The following FKBP5 variants were observed in gnomAD, a reference collection of about 807,000 sequenced individuals.
FKBP5 encodes peptidyl-prolyl cis-trans isomerase FKBP5.
FKBP5 carries 23 observed loss-of-function variants against 50.5 expected under a neutral mutation model. That is an observed-to-expected ratio of 0.46 (90% CI 0.33 to 0.65). FKBP5 has a LOEUF of 0.65. FKBP5 is among the 30% of genes least tolerant of loss of function. FKBP5 has a pLI of 0.02. For synonymous variants in FKBP5, 176 were observed against 190.6 expected (o/e 0.92, Z 0.63); for missense variants, 411 against 553.1 (o/e 0.74, Z 2.58).
Position 35,661,291 on chromosome 6 carries a change from A to G in FKBP5, c.-19-18448T>C, listed in dbSNP as rs113068266. 1.3e-4 allele frequency among the ~76,000 whole-genome samples: 11 copies of G among 82,598 alleles called. 3 individuals carry two copies. The highest frequency in any genetic ancestry group is 3.7e-4 in the African/African-American group (10 of 26,718). 54.2% of individuals were successfully genotyped at this position (82,598 alleles called of 152,430 possible). A position where few individuals can be genotyped will look rare whatever the true frequency, so the allele number is the denominator to read the frequency against. On this transcript the variant is annotated intron_variant, in intron 1 of 10. Transcript: ENST00000357266. ...GGCATGAGCCACCACACCCGGCCTGAATTGTACACTTTAAAGGGGAGAATA... is the reference window on the plus strand; with the variant it reads ...GGCATGAGCCACCACACCCGGCCTGGATTGTACACTTTAAAGGGGAGAATA...
At chr6:35,711,630 A>G (rs572096855) in intron 2 of FKBP5, among the ~76,000 whole-genome samples, 1 of 148,428 alleles carries the variant, frequency 6.7e-6, no homozygotes, top group Non-Finnish European at 1.5e-5. Context: ...AAAAAAGGAG[A>G]GGAGAGGAGA....
intron 3 of FKBP5, among the ~76,000 whole-genome samples, chr6:35,632,112 C>T (rs1238494191): frequency 6.6e-6 from 1 of 152,038 alleles, no homozygotes; most frequent in Non-Finnish European, 1.5e-5. Flanking sequence ...GTTCTTAATT[C>T]AGCTTCTTTT....
At chr6:35,610,409 A>G (rs1292284322) in intron 5 of FKBP5, among the ~76,000 whole-genome samples, 1 of 151,772 alleles carries the variant, frequency 6.6e-6, no homozygotes, top group Non-Finnish European at 1.5e-5. Flanking sequence ...TACTAAAAAT[A>G]CAAAAAAAAT....
intron 3 of FKBP5, among the ~76,000 whole-genome samples, chr6:35,624,645 AC>A (rs1763942227): frequency 6.6e-6 from 1 of 152,134 alleles, no homozygotes. Flanking sequence ...TAGTTGGCCC[AC>A]GTCCTAATAA....
At chr6:35,680,733 A>C (rs899226360) in intron 1 of FKBP5, among the ~76,000 whole-genome samples, 12 of 152,216 alleles carry the variant, frequency 7.9e-5, no homozygotes, top group African/African-American at 1.7e-4. Flanking sequence ...CAAAAACAAC[A>C]ACCAGATTTG....
At chr6:35,726,384 T>G (rs1323247535) in intron 1 of FKBP5, among the ~76,000 whole-genome samples, 1 of 152,174 alleles carries the variant, frequency 6.6e-6, no homozygotes, top group Non-Finnish European at 1.5e-5. Flanking sequence ...AAGGCAGGCC[T>G]GGCTTGGGCA....
rs189144592 is a variant in FKBP5, at chr6:35,613,001, A to G, written c.508+6095T>C. On this transcript the variant is annotated intron_variant, in intron 5 of 10. Coordinates refer to ENST00000357266, the MANE Select transcript of FKBP5 (RefSeq NM_004117.4). ...GTTAAGTAACTTGTCTAAAGTCATA[A>G]AAGTATCAGGTAGCAATTCCAAGAT... is the stretch of plus-strand genomic sequence containing the variant. 1.3e-3 allele frequency among the ~76,000 whole-genome samples: 192 copies of G among 152,360 alleles called. 1 individual carries two copies. The highest frequency in any genetic ancestry group is 6.8e-3 in the Middle Eastern group (2 of 294).
chr6:35,637,457 CTTTTTTTTTT>C (rs71002581), intron 2 of FKBP5, among the ~76,000 whole-genome samples: 3 of 73,270 alleles, frequency 4.1e-5, no homozygotes, highest in African/African-American at 5.2e-5. Flanking sequence ...ACAGTAAACT[CTTTTTTTTTT>C]TTTTTTTTTT....
At chr6:35,709,876 G>T (rs1182214831) in intron 2 of FKBP5, among the ~76,000 whole-genome samples, 1 of 68,646 alleles carries the variant, frequency 1.5e-5, no homozygotes, top group Non-Finnish European at 2.9e-5. Context: ...CTGCTTTTAG[G>T]TAAAAAAAAA....
At chr6:35,615,527 A>C (rs1763626323) in intron 5 of FKBP5, among the ~76,000 whole-genome samples, 1 of 152,238 alleles carries the variant, frequency 6.6e-6, no homozygotes, top group Non-Finnish European at 1.5e-5. Flanking sequence ...AATCTGGGAC[A>C]ATGTGAACAA....
In FKBP5 at chr6:35,631,696, C is replaced by T. The variant is rs564800165; in HGVS notation, c.250+5318G>A. Among the ~76,000 whole-genome samples, 65 of 152,188 alleles carry T rather than the reference C, an allele frequency of 4.3e-4. 3 individuals are homozygous for T. The South Asian group carries it at 0.013, about 30-fold the overall frequency. ...TTGAGGCTGGGTGTGGTGGCTCACG[C>T]CTGTAATCTCAGCACTTTGGGAGGC... On this transcript the variant is annotated intron_variant, in intron 3 of 10. Coordinates refer to ENST00000357266, the MANE Select transcript of FKBP5 (RefSeq NM_004117.4).
Position 35,576,725 on chromosome 6 carries a change from A to G in FKBP5, c.1266+269T>C, listed in dbSNP as rs143689301. On this transcript the variant is annotated intron_variant, in intron 10 of 10. Coordinates refer to ENST00000357266, the MANE Select transcript of FKBP5 (RefSeq NM_004117.4). ...TTGGTGCAAAATTGCTGTTTTTGCCATTGAAAGTAATGGTAAAAACCACAA... is the reference window on the plus strand; with the variant it reads ...TTGGTGCAAAATTGCTGTTTTTGCCGTTGAAAGTAATGGTAAAAACCACAA... 3.9e-3 allele frequency among the ~76,000 whole-genome samples: 592 copies of G among 152,228 alleles called. 4 individuals are homozygous for G. The highest frequency in any genetic ancestry group is 0.013 in the African/African-American group (543 of 41,548).
At chr6:35,588,481 A>ATAAG (rs1397159093) in intron 7 of FKBP5, among the ~76,000 whole-genome samples, 1 of 152,230 alleles carries the variant, frequency 6.6e-6, no homozygotes, top group Non-Finnish European at 1.5e-5. Context: ...CACCTAGTTA[A>ATAAG]TAAGTCTCTT....
upstream of FKBP5, among the ~76,000 whole-genome samples, chr6:35,689,930 G>C (rs1057062451): frequency 6.6e-6 from 1 of 152,180 alleles, no homozygotes; most frequent in Non-Finnish European, 1.5e-5. Flanking sequence ...CTCCCATAGA[G>C]ATGCAGGAGC....
At chr6:35,615,084 A>G (rs889497883) in intron 5 of FKBP5, among the ~76,000 whole-genome samples, 1 of 151,526 alleles carries the variant, frequency 6.6e-6, no homozygotes, top group African/African-American at 2.4e-5. Context: ...AGATTGCACC[A>G]CTGTACTCCA....
At chr6:35,701,269 A>G (rs1581894493) in intron 2 of FKBP5, among the ~76,000 whole-genome samples, 1 of 139,034 alleles carries the variant, frequency 7.2e-6, no homozygotes, top group Non-Finnish European at 1.5e-5. Context: ...TTTGAGACGG[A>G]GTCTCGCTCT....
chr6:35,674,162 G>A (rs960804768), intron 1 of FKBP5, among the ~76,000 whole-genome samples: 1 of 152,122 alleles, frequency 6.6e-6, no homozygotes, highest in Non-Finnish European at 1.5e-5. Flanking sequence ...TGAGGATTAT[G>A]TAAACAACTA....
intron 7 of FKBP5, among the ~76,000 whole-genome samples, chr6:35,589,126 A>ATT (rs1421305008): frequency 3.2e-5 from 4 of 125,508 alleles, no homozygotes; most frequent in South Asian, 2.4e-4. Context: ...ATATATATAT[A>ATT]TATTTTTTTT....
chr6:35,612,714 C>T (rs1481823415), intron 5 of FKBP5, among the ~76,000 whole-genome samples: 1 of 152,226 alleles, frequency 6.6e-6, no homozygotes, highest in Non-Finnish European at 1.5e-5. Flanking sequence ...GAAGAGCCAG[C>T]AGGGTTTCCC....
Sources: gnomAD v4.1 joint callset for allele counts (sites outside exome capture counted in the v4.1 genomes callset) on GRCh38, gnomAD v4.1.1 for gene constraint, MANE v1.5 for transcripts, NCBI Gene and HGNC (gene_info 2026-07-23, HGNC 2026-07-21) for gene names.